Variants in SOX5 observed in about 807,000 individuals in gnomAD.
SOX5 encodes transcription factor SOX-5.
SOX5 carries 9 observed loss-of-function variants against 92.0 expected under a neutral mutation model. The ratio of observed to expected loss-of-function variants is 0.10; its 90% CI spans 0.06 to 0.17. The LOEUF is 0.17. Ranked by LOEUF, SOX5 falls within the 10% of genes least tolerant of loss-of-function variation. The probability of loss-of-function intolerance (pLI) is 1.00; values close to 1 mark genes in which losing one functional copy is unlikely to be tolerated. For missense variants in SOX5, 642 were observed against 944.5 expected, an observed-to-expected ratio of 0.68 and a Z score of 4.20; for synonymous variants, 344 against 336.3, an observed-to-expected ratio of 1.02 and a Z score of -0.25.
intron 4 of SOX5, among the ~76,000 whole-genome samples, chr12:23,998,491 G>GA (rs934382766): frequency 9.2e-5 from 14 of 151,796 alleles, no homozygotes; most frequent in Admixed American, 6.6e-5. Context: ...GGGAGTCTCA[G>GA]AAAAAAGAGA....
intron 4 of SOX5, among the ~76,000 whole-genome samples, chr12:23,979,883 G>A (rs1371374218): frequency 9.0e-6 from 1 of 111,500 alleles, no homozygotes; most frequent in Non-Finnish European, 1.9e-5. Context: ...ATGCCTGGCT[G>A]GCTGGCTGGC....
At chr12:24,503,729 A>G (rs1237561884) in intron 1 of SOX5, among the ~76,000 whole-genome samples, 1 of 152,194 alleles carries the variant, frequency 6.6e-6, no homozygotes, top group East Asian at 1.9e-4. Flanking sequence ...TCAGGACAGA[A>G]AACCAACCAC....
chr12:23,534,518 G>C lies in SOX5; in HGVS notation c.1993C>G (p.Gln665Glu). Residue 665 changes from glutamine (Q) to glutamate (E), a missense_variant, in exon 15 of 15, where the codon CAA becomes GAA. Gln to Glu is a conservative substitution (Grantham distance 29). Coordinates refer to ENST00000451604, the MANE Select transcript of SOX5 (RefSeq NM_006940.6). ...EMRQYFNVGQQAQIPIATAGV... is the reference protein window; with the variant it reads ...EMRQYFNVGQEAQIPIATAGV... ...GCAGTGGCAATGGGGATCTGTGCTT[G>C]TTGCCTGTCAAGAAAGGAATTTCCA... 6.2e-7 allele frequency: 1 copy of C among 1,607,964 alleles called. No individual in the cohort carries two copies. Among genetic ancestry groups the C allele is most frequent in the South Asian group, 1.1e-5 (1 of 90,918 alleles).
At chr12:24,169,900 T>G (rs898183532) in intron 4 of SOX5, among the ~76,000 whole-genome samples, 1 of 152,220 alleles carries the variant, frequency 6.6e-6, no homozygotes, top group East Asian at 1.9e-4. Flanking sequence ...TCCAGCCTTA[T>G]ACTTGTCCAG....
chr12:24,204,367 C>T (rs905313938), intron 4 of SOX5, among the ~76,000 whole-genome samples: 4 of 151,604 alleles, frequency 2.6e-5, no homozygotes, highest in East Asian at 1.9e-4. Context: ...TCCACTCTGT[C>T]GCCCAGGCTG....
chr12:24,163,737 A>G (rs978588927), intron 4 of SOX5, among the ~76,000 whole-genome samples: 3 of 151,972 alleles, frequency 2.0e-5, no homozygotes, highest in Non-Finnish European at 2.9e-5. Context: ...TGATAAAAAT[A>G]ATAATTTTTT....
chr12:24,085,769 A>G (rs902417701), intron 4 of SOX5, among the ~76,000 whole-genome samples: 3 of 152,018 alleles, frequency 2.0e-5, no homozygotes, highest in Admixed American at 2.0e-4. Context: ...GAAAGAAAAA[A>G]AATCTTGTCA....
intron 7 of SOX5, among the ~76,000 whole-genome samples, chr12:23,655,639 A>T (rs569880015): frequency 6.6e-6 from 1 of 152,086 alleles, no homozygotes; most frequent in Non-Finnish European, 1.5e-5. Context: ...TTTGGCAGAC[A>T]TCGTATACCT....
intron 2 of SOX5, among the ~76,000 whole-genome samples, chr12:24,319,849 T>C (rs1388806840): frequency 6.6e-6 from 1 of 152,176 alleles, no homozygotes; most frequent in African/African-American, 2.4e-5. Context: ...GGAACCAAAG[T>C]TTATCCCTCA....
At chr12:24,532,100 G>T (rs1193214360) in intron 1 of SOX5, among the ~76,000 whole-genome samples, 3 of 152,140 alleles carry the variant, frequency 2.0e-5, no homozygotes, top group Admixed American at 6.5e-5. Flanking sequence ...GAGCCGGGGA[G>T]GTCTTTTTCT....
intron 3 of SOX5, among the ~76,000 whole-genome samples, chr12:24,266,025 T>C (rs1421506333): frequency 6.8e-6 from 1 of 147,750 alleles, no homozygotes; most frequent in Non-Finnish European, 1.5e-5. Context: ...TATGCCATCA[T>C]GCCAGCTAAT....
At chr12:23,726,739 A>C (rs76223270) in intron 6 of SOX5, among the ~76,000 whole-genome samples, 1 of 152,170 alleles carries the variant, frequency 6.6e-6, no homozygotes, top group South Asian at 2.1e-4. Context: ...GTCATGGGAA[A>C]AATGACTGTC....
chr12:23,770,930 T>TA (rs1303514502), intron 3 of SOX5, among the ~76,000 whole-genome samples: 7 of 151,826 alleles, frequency 4.6e-5, no homozygotes, highest in Admixed American at 3.9e-4. Context: ...ATAACAGGTT[T>TA]ATAAACATGC....
At chr12:23,839,054 G>GGCCA (rs1227831482) in intron 3 of SOX5, among the ~76,000 whole-genome samples, 2 of 143,410 alleles carry the variant, frequency 1.4e-5, no homozygotes, top group African/African-American at 5.2e-5. Context: ...TTACCATGTT[G>GGCCA]GCCAGGCTGG....
chr12:24,058,589 G>A (rs560363155), intron 4 of SOX5, among the ~76,000 whole-genome samples: 2 of 152,120 alleles, frequency 1.3e-5, no homozygotes, highest in African/African-American at 4.8e-5. Context: ...CTTGTTTATT[G>A]AGTGTTATTA....
At chr12:24,464,080 G>T (rs1182476541) in intron 1 of SOX5, among the ~76,000 whole-genome samples, 1 of 152,136 alleles carries the variant, frequency 6.6e-6, no homozygotes, top group Admixed American at 6.5e-5. Flanking sequence ...CTCTAGATAG[G>T]ATGTTTAAAT....
At chr12:23,957,742 G>GCA (rs1194239458) in intron 4 of SOX5, among the ~76,000 whole-genome samples, 1 of 152,026 alleles carries the variant, frequency 6.6e-6, no homozygotes, top group Non-Finnish European at 1.5e-5. Flanking sequence ...GAAGGACTAT[G>GCA]CACAGGATGA....
At chr12:24,064,870 C>T (rs1274554721) in intron 4 of SOX5, among the ~76,000 whole-genome samples, 2 of 152,116 alleles carry the variant, frequency 1.3e-5, no homozygotes, top group African/African-American at 4.8e-5. Flanking sequence ...GGTTATAGTT[C>T]GGATTATCTT....
chr12:24,103,354 CTTT>C (rs5797063), intron 4 of SOX5, among the ~76,000 whole-genome samples: 2 of 148,876 alleles, frequency 1.3e-5, no homozygotes, highest in East Asian at 2.0e-4. Flanking sequence ...TTCTCAATAT[CTTT>C]TTTTTTTTTC....
Sources: gnomAD v4.1 joint callset for allele counts (sites outside exome capture counted in the v4.1 genomes callset) on GRCh38, gnomAD v4.1.1 for gene constraint, MANE v1.5 for transcripts, NCBI Gene and HGNC (gene_info 2026-07-23, HGNC 2026-07-21) for gene names.